Variants in AGBL4 observed in about 807,000 individuals in gnomAD.
The protein encoded by AGBL4 is AGBL carboxypeptidase 4.
Under a neutral mutation model 66.4 loss-of-function variants are expected in AGBL4, and 58 were observed. That is an observed-to-expected ratio of 0.87 (90% CI 0.71 to 1.09). The LOEUF is 1.09. Ranked by LOEUF, AGBL4 falls within the 50% of genes least tolerant of loss-of-function variation. AGBL4 has a pLI of 0.00. For missense variants in AGBL4, 579 were observed against 631.0 expected (o/e 0.92, Z 0.88); for synonymous variants, 234 against 222.9 (o/e 1.05, Z -0.44).
chr1:49,160,558 C>T (rs1475585221), intron 4 of AGBL4, among the ~76,000 whole-genome samples: 2 of 152,144 alleles, frequency 1.3e-5, no homozygotes, highest in African/African-American at 4.8e-5. Flanking sequence ...CAGTCTGACC[C>T]TTAGCAGAGT....
chr1:49,515,036 TG>T (rs754920893), intron 3 of AGBL4, among the ~76,000 whole-genome samples: 51 of 151,992 alleles, frequency 3.4e-4, no homozygotes, highest in Non-Finnish European at 6.9e-4. Flanking sequence ...AATTGACAAA[TG>T]GGATCTAATT....
At chr1:49,168,812 C>T (rs1256771645) in intron 4 of AGBL4, among the ~76,000 whole-genome samples, 3 of 152,174 alleles carry the variant, frequency 2.0e-5, no homozygotes, top group Admixed American at 2.0e-4. Context: ...GGATGGAGTG[C>T]ACTGGTTGCA....
At chr1:49,918,947 A>G in intron 1 of AGBL4, among the ~76,000 whole-genome samples, 1 of 152,148 alleles carries the variant, frequency 6.6e-6, no homozygotes, top group East Asian at 1.9e-4. Context: ...ATCAATAAAC[A>G]TAATCCAGCA....
At chr1:49,424,361 A>T (rs951653579) in intron 3 of AGBL4, among the ~76,000 whole-genome samples, 1 of 152,154 alleles carries the variant, frequency 6.6e-6, no homozygotes, top group Non-Finnish European at 1.5e-5. Flanking sequence ...GGTAGCCATT[A>T]TTGAGGCAGT....
At chr1:49,639,616 TATTGGGAGTCTTCCAA>T (rs1645742482) in intron 3 of AGBL4, among the ~76,000 whole-genome samples, 2 of 152,166 alleles carry the variant, frequency 1.3e-5, no homozygotes, top group African/African-American at 4.8e-5. Flanking sequence ...CAACAGACAT[TATTGGGAGTCTTCCAA>T]ATCCCAGGCA....
At chr1:49,481,959 A>G (rs1646964466) in intron 3 of AGBL4, among the ~76,000 whole-genome samples, 1 of 150,388 alleles carries the variant, frequency 6.6e-6, no homozygotes, top group South Asian at 2.1e-4. Flanking sequence ...CCAATCTTGC[A>G]TCCTGGGGAG....
At chr1:49,963,061 G>A (rs1657249729) in intron 1 of AGBL4, among the ~76,000 whole-genome samples, 1 of 152,102 alleles carries the variant, frequency 6.6e-6, no homozygotes, top group African/African-American at 2.4e-5. Context: ...TCTGGATGAA[G>A]ACCATAGAAC....
intron 1 of AGBL4, among the ~76,000 whole-genome samples, chr1:50,003,645 A>C (rs916583988): frequency 1.3e-5 from 2 of 152,208 alleles, no homozygotes; most frequent in African/African-American, 4.8e-5. Flanking sequence ...GAGAGACAAT[A>C]GCCAAGTAAT....
chr1:48,825,075 T>C (rs1003327665), intron 6 of AGBL4, among the ~76,000 whole-genome samples: 1 of 152,198 alleles, frequency 6.6e-6, no homozygotes. Context: ...TTAGGCTCTT[T>C]ATGACTCTAA....
chr1:49,121,997 G>A (rs1396275494), intron 4 of AGBL4, among the ~76,000 whole-genome samples: 2 of 152,248 alleles, frequency 1.3e-5, no homozygotes, highest in Admixed American at 6.5e-5. Flanking sequence ...AGGCTCCGTA[G>A]GCATGGTACC....
At chr1:49,942,058 C>T (rs562203964) in intron 1 of AGBL4, among the ~76,000 whole-genome samples, 1 of 152,070 alleles carries the variant, frequency 6.6e-6, no homozygotes, top group East Asian at 1.9e-4. Flanking sequence ...TATCTTCATA[C>T]ACTGAAAATG....
intron 2 of AGBL4, among the ~76,000 whole-genome samples, chr1:49,747,944 T>TTGTGTGTGTG (rs4012953): frequency 2.0e-5 from 3 of 147,466 alleles, no homozygotes; most frequent in East Asian, 2.0e-4. Flanking sequence ...GTGTGTGTGT[T>TTGTGTGTGTG]TGTGTGTGTG....
At chr1:49,576,179 T>C (rs1644433000) in intron 3 of AGBL4, among the ~76,000 whole-genome samples, 1 of 152,208 alleles carries the variant, frequency 6.6e-6, no homozygotes, top group Admixed American at 6.5e-5. Flanking sequence ...GGTGGTCCTA[T>C]TTGGATTCTG....
At chr1:49,986,714 T>C (rs1659533275) in intron 1 of AGBL4, among the ~76,000 whole-genome samples, 1 of 152,118 alleles carries the variant, frequency 6.6e-6, no homozygotes, top group African/African-American at 2.4e-5. Flanking sequence ...TTCTATTTCA[T>C]AATGCACTCT....
chr1:49,335,649 G>A (rs1645420545), intron 3 of AGBL4, among the ~76,000 whole-genome samples: 1 of 151,928 alleles, frequency 6.6e-6, no homozygotes, highest in African/African-American at 2.4e-5. Flanking sequence ...CCGAGTAGCT[G>A]GGACTACAGG....
At chr1:48,991,279 T>C (rs1301011549) in intron 5 of AGBL4, among the ~76,000 whole-genome samples, 1 of 152,178 alleles carries the variant, frequency 6.6e-6, no homozygotes, top group African/African-American at 2.4e-5. Flanking sequence ...TGTGTGTTTT[T>C]CCTTCAGCAC....
chr1:49,908,997 A>T (rs969497262), intron 1 of AGBL4, among the ~76,000 whole-genome samples: 5 of 152,122 alleles, frequency 3.3e-5, no homozygotes, highest in African/African-American at 1.2e-4. Flanking sequence ...TATCTAAGAG[A>T]CAATAGGGCA....
At chr1:49,477,875 A>G (rs1646877436) in intron 3 of AGBL4, among the ~76,000 whole-genome samples, 1 of 151,814 alleles carries the variant, frequency 6.6e-6, no homozygotes, top group Admixed American at 6.6e-5. Flanking sequence ...TTGAAAAATT[A>G]AAAAAGAACC....
chr1:49,724,605 T>G (rs1407769927), intron 2 of AGBL4, among the ~76,000 whole-genome samples: 1 of 152,154 alleles, frequency 6.6e-6, no homozygotes, highest in Non-Finnish European at 1.5e-5. Context: ...AAGGACTGTA[T>G]GTTTGTATCC....
Sources: gnomAD v4.1 joint callset for allele counts (sites outside exome capture counted in the v4.1 genomes callset) on GRCh38, gnomAD v4.1.1 for gene constraint, MANE v1.5 for transcripts, NCBI Gene and HGNC (gene_info 2026-07-23, HGNC 2026-07-21) for gene names.